CHN1: variants seen among roughly 807,000 people sequenced by gnomAD.
The protein encoded by CHN1 is chimerin 1.
A neutral mutation model predicts 59.5 loss-of-function variants in CHN1; 37 were observed. That is an observed-to-expected ratio of 0.62 (90% CI 0.48 to 0.82). CHN1 has a LOEUF of 0.82. Among genes scored for constraint, CHN1 ranks in the 40% least tolerant of loss-of-function variants. The pLI, the probability that CHN1 is intolerant of heterozygous loss-of-function variation, is 0.00. For missense variants in CHN1, 469 were observed against 571.0 expected (o/e 0.82, Z 1.82); for synonymous variants, 206 against 200.4 (o/e 1.03, Z -0.24).
intron 6 of CHN1, among the ~76,000 whole-genome samples, chr2:174,860,864 G>A (rs903405999): frequency 1.2e-4 from 18 of 151,868 alleles, no homozygotes; most frequent in South Asian, 6.3e-4. Flanking sequence ...CAGATTTCTC[G>A]CTCTTTCCAA....
At chr2:174,820,001 T>G (rs1574053093) in intron 8 of CHN1, among the ~76,000 whole-genome samples, 1 of 152,156 alleles carries the variant, frequency 6.6e-6, no homozygotes, top group Admixed American at 6.5e-5. Flanking sequence ...AACTCATTAT[T>G]TTTTATGGCT....
intron 7 of CHN1, among the ~76,000 whole-genome samples, chr2:174,829,753 A>C (rs1685808079): frequency 6.6e-6 from 1 of 152,218 alleles, no homozygotes; most frequent in South Asian, 2.1e-4. Context: ...CTCATTTGGG[A>C]CTGTGATGAG....
chr2:174,875,253 A>G (rs750354295), intron 6 of CHN1, among the ~76,000 whole-genome samples: 5 of 152,182 alleles, frequency 3.3e-5, no homozygotes, highest in Non-Finnish European at 7.3e-5. Flanking sequence ...ATTTATTAAA[A>G]TCCTGTATAA....
At chr2:174,989,043 G>GT (rs1261377137) in intron 1 of CHN1, among the ~76,000 whole-genome samples, 2 of 152,134 alleles carry the variant, frequency 1.3e-5, no homozygotes, top group Non-Finnish European at 2.9e-5. Flanking sequence ...GAACTATGTA[G>GT]TTTAACTGTA....
In CHN1 at chr2:174,867,994, G is replaced by A. The variant is rs577924751; in HGVS notation, c.549+9846C>T. On this transcript the variant is annotated intron_variant, in intron 6 of 12. Transcript: ENST00000409900. Reference sequence around the variant, plus strand: ...AAAGTGTACATTAATCTATGCGTAGGAAGACAGACTAAAAGGAAACTCATC... The same window carrying A: ...AAAGTGTACATTAATCTATGCGTAGAAAGACAGACTAAAAGGAAACTCATC... 4.3e-4 allele frequency among the ~76,000 whole-genome samples: 66 copies of A among 152,276 alleles called. No homozygotes were observed. In the Middle Eastern group the frequency reaches 0.031, roughly 71 times the overall value.
At chr2:174,837,033 T>C (rs1025130521) in intron 7 of CHN1, 3 of 152,208 alleles carry the variant, frequency 2.0e-5, no homozygotes, top group African/African-American at 7.2e-5. Context: ...TTTTCTACTA[T>C]GTGACACAAC....
chr2:174,812,239 C>T (rs1253975519), intron 9 of CHN1, 70 bp downstream of exon 9: 15 of 1,361,910 alleles, frequency 1.1e-5, no homozygotes, highest in African/African-American at 2.9e-5. Flanking sequence ...CAATGAGGTA[C>T]CCAAAAGGCA....
chr2:174,924,630 T>C (rs1207110966), intron 3 of CHN1, among the ~76,000 whole-genome samples: 2 of 152,226 alleles, frequency 1.3e-5, no homozygotes, highest in African/African-American at 4.8e-5. Flanking sequence ...AAGGTATGAT[T>C]ACTTCAGTGG....
intron 6 of CHN1, among the ~76,000 whole-genome samples, chr2:174,859,018 CCAAA>C (rs1237437000): frequency 3.7e-5 from 3 of 82,066 alleles, no homozygotes; most frequent in Admixed American, 1.3e-4. Context: ...ACACACAAAA[CCAAA>C]CAAACAAAAA....
Position 175,005,167 on chromosome 2 carries a change from C to T in CHN1, c.-255G>A. On this transcript the variant is annotated 5_prime_UTR_variant, in exon 1 of 13. Coordinates refer to ENST00000409900, the MANE Select transcript of CHN1 (RefSeq NM_001822.7). ...GCTCTCCGCGAGCCGGCACTTGTCG[C>T]TGCCATCAGGCGCGGAGCGTGCGCG... 1 of 1,282,136 alleles carries T rather than the reference C, an allele frequency of 7.8e-7. No individual in the cohort carries two copies. The allele number at this position is 1,282,136 out of a possible 1,614,324, so 79.4% of individuals were successfully genotyped here. A position where few individuals can be genotyped will look rare whatever the true frequency, so the allele number is the denominator to read the frequency against.
chr2:174,947,186 T>A (rs565163233), intron 2 of CHN1, among the ~76,000 whole-genome samples: 3 of 152,124 alleles, frequency 2.0e-5, no homozygotes, highest in Non-Finnish European at 4.4e-5. Flanking sequence ...CAGTAAGCAT[T>A]TGCCTGTTCA....
intron 1 of CHN1, among the ~76,000 whole-genome samples, chr2:174,996,213 A>G (rs1340613008): frequency 6.6e-6 from 1 of 152,190 alleles, no homozygotes; most frequent in East Asian, 1.9e-4. Context: ...AGAGTAACAG[A>G]AAGTGTCATA....
rs1685105294 is a variant in CHN1 at position 174,812,373 on chromosome 2, CACG to C, written c.819_821del (p.Val274del). ...TTGGCCGCTTAGTGGTATGTGCTTT[CACG>C]AGCGTCGTAAGGTCACAGCTGTACA... On this transcript the variant is annotated inframe_deletion, in exon 9 of 13. Transcript: ENST00000409900. The C allele has an allele frequency of 6.2e-7, 1 of 1,613,882 alleles. No individual in the cohort carries two copies. The highest frequency in any genetic ancestry group is 1.3e-5 in the African/African-American group (1 of 74,936).
intron 1 of CHN1, among the ~76,000 whole-genome samples, chr2:175,004,040 CA>C (rs745855124): frequency 7.2e-5 from 11 of 152,210 alleles, no homozygotes; most frequent in Non-Finnish European, 1.2e-4. Context: ...CTATCAATTA[CA>C]TATCATTGTA....
intron 6 of CHN1, among the ~76,000 whole-genome samples, chr2:174,855,559 T>C (rs1686874605): frequency 6.6e-6 from 1 of 152,182 alleles, no homozygotes; most frequent in Non-Finnish European, 1.5e-5. Flanking sequence ...CCCTGAATTA[T>C]AATATGTAAC....
chr2:174,807,491 TGTGTGTGTGTGTGTGTGTGTG>T (rs1684931703), intron 11 of CHN1, among the ~76,000 whole-genome samples: 1 of 149,092 alleles, frequency 6.7e-6, no homozygotes, highest in Non-Finnish European at 1.5e-5. Flanking sequence ...TGTGTGTGTG[TGTGTGTGTGTGTGTGTGTGTG>T]TTGCTTTCTA....
At chr2:174,945,780 T>C (rs983249121) in intron 2 of CHN1, among the ~76,000 whole-genome samples, 1 of 152,124 alleles carries the variant, frequency 6.6e-6, no homozygotes. Context: ...GACTGTCAGA[T>C]AACGGATGAC....
chr2:174,913,267 GGAAA>G (rs1055378260), intron 5 of CHN1, among the ~76,000 whole-genome samples: 1 of 152,150 alleles, frequency 6.6e-6, no homozygotes, highest in African/African-American at 2.4e-5. Context: ...GCAACCAAAA[GGAAA>G]GAAAGAGAGG....
At chr2:174,879,636 C>T (rs1036135009) in intron 5 of CHN1, among the ~76,000 whole-genome samples, 1 of 152,160 alleles carries the variant, frequency 6.6e-6, no homozygotes, top group Non-Finnish European at 1.5e-5. Context: ...TTCATCATTT[C>T]CTTTTTTTCT....
Sources: allele counts gnomAD v4.1 joint callset (sites outside exome capture counted in the v4.1 genomes callset), GRCh38; gene constraint gnomAD v4.1.1; transcripts MANE v1.5; gene names NCBI Gene and HGNC (gene_info 2026-07-23, HGNC 2026-07-21).